Variants in DIAPH1 observed in about 807,000 individuals in gnomAD.
The protein encoded by DIAPH1 is protein diaphanous homolog 1.
In DIAPH1, 46 loss-of-function variants were observed where a neutral mutation model predicts 140.7. That is an observed-to-expected ratio of 0.33 (90% CI 0.26 to 0.42). The LOEUF (loss-of-function observed/expected upper bound fraction) is 0.42. DIAPH1 is among the 10% of genes least tolerant of loss of function. DIAPH1 has a pLI of 1.00. For missense variants in DIAPH1, 1,310 were observed against 1,558.7 expected, an observed-to-expected ratio of 0.84 and a Z score of 2.69; for synonymous variants, 565 against 551.6, an observed-to-expected ratio of 1.02 and a Z score of -0.34.
chr5:141,585,111 C>G (rs1267747941), intron 3 of DIAPH1, among the ~76,000 whole-genome samples: 2 of 152,102 alleles, frequency 1.3e-5, no homozygotes, highest in South Asian at 2.1e-4. Flanking sequence ...CGCCCGCCAC[C>G]ACACTCAGCT....
At chr5:141,552,583 G>A (rs557757831) in intron 18 of DIAPH1, among the ~76,000 whole-genome samples, 3 of 152,242 alleles carry the variant, frequency 2.0e-5, no homozygotes, top group African/African-American at 4.8e-5. Flanking sequence ...CCAACATTTC[G>A]ATTTTAGAAA....
At chr5:141,614,840 C>T (rs2099902419) in intron 1 of DIAPH1, among the ~76,000 whole-genome samples, 1 of 151,194 alleles carries the variant, frequency 6.6e-6, no homozygotes, top group South Asian at 2.1e-4. Flanking sequence ...GTGTACAAAG[C>T]GCTCTGTATA....
At chr5:141,605,962 A>G (rs992500501) in intron 1 of DIAPH1, among the ~76,000 whole-genome samples, 2 of 152,244 alleles carry the variant, frequency 1.3e-5, no homozygotes, top group Admixed American at 1.3e-4. Context: ...TTTTAAAAAT[A>G]CAAGAATCAA....
chr5:141,538,359 T>C (rs1254425952), intron 18 of DIAPH1, among the ~76,000 whole-genome samples: 1 of 143,920 alleles, frequency 6.9e-6, no homozygotes, highest in Non-Finnish European at 1.5e-5. Flanking sequence ...TTCGCTCGGC[T>C]TTTTGTTTTT....
chr5:141,570,120 G>A (rs1378671217), intron 18 of DIAPH1, among the ~76,000 whole-genome samples: 1 of 151,202 alleles, frequency 6.6e-6, no homozygotes, highest in Non-Finnish European at 1.5e-5. Context: ...AGAATTAATA[G>A]GAATACAAAT....
At chr5:141,527,855 T>C (rs1158281285) in intron 23 of DIAPH1, among the ~76,000 whole-genome samples, 158 bp from the exon 24 acceptor site, 1 of 152,210 alleles carries the variant, frequency 6.6e-6, no homozygotes, top group African/African-American at 2.4e-5. Context: ...TGTACTTTAG[T>C]TGTGTCACAT....
At chr5:141,527,540 A>G in intron 24 of DIAPH1, 33 bp downstream of exon 24, 8 of 1,612,266 alleles carry the variant, frequency 5.0e-6, no homozygotes, top group Non-Finnish European at 6.8e-6. Flanking sequence ...TTCCCTTCCT[A>G]GGGAACAACT....
chr5:141,607,501 GTACT>G (rs2154597252), intron 1 of DIAPH1, among the ~76,000 whole-genome samples: 1 of 152,284 alleles, frequency 6.6e-6, no homozygotes, highest in East Asian at 1.9e-4. Context: ...ATATTCCAAT[GTACT>G]TACTGTCACC....
chr5:141,533,086 G>A (rs1347783455), intron 19 of DIAPH1, among the ~76,000 whole-genome samples: 4 of 152,208 alleles, frequency 2.6e-5, no homozygotes, highest in African/African-American at 4.8e-5. Context: ...CTTATTGGCT[G>A]TGTGATCTGG....
intron 1 of DIAPH1, among the ~76,000 whole-genome samples, chr5:141,605,902 G>A (rs112883006): frequency 3.3e-5 from 5 of 152,170 alleles, no homozygotes; most frequent in African/African-American, 7.2e-5. Flanking sequence ...AGTAAGTAAC[G>A]AACAGCCCTG....
rs770912928 is a variant in DIAPH1, at chr5:141,577,550, T to C, written c.1205A>G (p.Lys402Arg). ...EVFQILLNTVKDSKAEPHFLS... is the reference protein window; with the variant it reads ...EVFQILLNTVRDSKAEPHFLS... ...GAAGTGTGGCTCTGCCTTTGAATCC[T>C]TCACTGTGTTTAAGAGAATCTGAAA... Residue 402 changes from lysine to arginine, a missense_variant, in exon 12 of 28, where the codon AAG becomes AGG. By Grantham distance (26) the Lys-to-Arg change is conservative. Transcript: ENST00000389054. 3.1e-6 allele frequency: 5 copies of C among 1,613,770 alleles called. No individual in the cohort carries two copies. Among genetic ancestry groups the C allele is most frequent in the East Asian group, 2.2e-5 (1 of 44,884 alleles).
chr5:141,551,583 TG>T (rs1247186682), intron 18 of DIAPH1, among the ~76,000 whole-genome samples: 1 of 152,098 alleles, frequency 6.6e-6, no homozygotes, highest in Non-Finnish European at 1.5e-5. Context: ...TGATTTGGAA[TG>T]TGGTCAAGCA....
chr5:141,534,547 C>CTATT, intron 18 of DIAPH1, 114 bp from the exon 19 acceptor site: 1 of 792,552 alleles, frequency 1.3e-6, no homozygotes, highest in South Asian at 1.4e-5. Flanking sequence ...TTATAATGGT[C>CTATT]TATTGTATTC....
intron 6 of DIAPH1, 56 bp downstream of exon 6, chr5:141,583,150 A>G: frequency 6.8e-7 from 1 of 1,461,188 alleles, no homozygotes; most frequent in Non-Finnish European, 9.6e-7. Flanking sequence ...CAGAGCAAAT[A>G]GCCAAGTCCC....
intron 27 of DIAPH1, chr5:141,518,658 G>A: frequency 2.4e-6 from 1 of 419,950 alleles, no homozygotes; most frequent in Non-Finnish European, 4.4e-6. Context: ...TAGTAGCTGG[G>A]ACTATAAGCA....
At chr5:141,576,198 T>G (rs1347500882) in intron 14 of DIAPH1, 32 bp downstream of exon 14, 1 of 1,509,598 alleles carries the variant, frequency 6.6e-7, no homozygotes, top group East Asian at 2.2e-5. Context: ...AAAGATATAC[T>G]CAAACACATG....
intron 18 of DIAPH1, among the ~76,000 whole-genome samples, chr5:141,541,589 G>A (rs2099889967): frequency 6.6e-6 from 1 of 151,494 alleles, no homozygotes; most frequent in African/African-American, 2.4e-5. Flanking sequence ...GGAGGCTGAG[G>A]CATAAGAATC....
At chr5:141,527,169 T>C (rs2099887478) in intron 24 of DIAPH1, among the ~76,000 whole-genome samples, 1 of 151,986 alleles carries the variant, frequency 6.6e-6, no homozygotes, top group African/African-American at 2.4e-5. Flanking sequence ...CTGCATGGTG[T>C]GCTTCTACTC....
intron 18 of DIAPH1, chr5:141,560,709 C>T: frequency 2.8e-6 from 1 of 360,832 alleles, no homozygotes; most frequent in South Asian, 2.1e-5. Context: ...ACTGAGTAAA[C>T]TGCAGAATTC....
Sources: gnomAD v4.1 joint callset for allele counts (sites outside exome capture counted in the v4.1 genomes callset) on GRCh38, gnomAD v4.1.1 for gene constraint, MANE v1.5 for transcripts, NCBI Gene and HGNC (gene_info 2026-07-23, HGNC 2026-07-21) for gene names.